The following CAPN9 variants were observed in gnomAD, a reference collection of about 807,000 sequenced individuals.
The protein encoded by CAPN9 is calpain 9, also known as calpain-9.
Under a neutral mutation model 92.8 loss-of-function variants are expected in CAPN9, and 81 were observed. The ratio of observed to expected loss-of-function variants is 0.87; its 90% confidence interval spans 0.73 to 1.05. CAPN9 has a LOEUF of 1.05. Ranked by LOEUF, CAPN9 falls within the 50% of genes least tolerant of loss-of-function variation. The probability of loss-of-function intolerance (pLI) is 0.00; values close to 1 mark genes in which losing one functional copy is unlikely to be tolerated. For synonymous variants in CAPN9, 304 were observed against 328.0 expected (o/e 0.93, Z 0.79); for missense variants, 848 against 866.2 (o/e 0.98, Z 0.26).
chr1:230,765,947 T>C (rs1236796567), intron 4 of CAPN9, among the ~76,000 whole-genome samples: 1 of 152,140 alleles, frequency 6.6e-6, no homozygotes, highest in Non-Finnish European at 1.5e-5. Context: ...GACACCTGAC[T>C]AACACTACCT....
intron 19 of CAPN9, among the ~76,000 whole-genome samples, chr1:230,800,239 A>T (rs1668601443): frequency 1.5e-5 from 1 of 66,138 alleles, no homozygotes; most frequent in African/African-American, 6.3e-5. Context: ...AAGAAGAAAG[A>T]AAGAAAGAAA....
chr1:230,789,558 G>A (rs1667843451), intron 13 of CAPN9, among the ~76,000 whole-genome samples: 1 of 151,334 alleles, frequency 6.6e-6, no homozygotes, highest in Non-Finnish European at 1.5e-5. Flanking sequence ...TCTGGGGTGG[G>A]GGCTGCTGAG....
At chr1:230,747,838 C>A in intron 1 of CAPN9, 129 bp downstream of exon 1, 1 of 801,618 alleles carries the variant, frequency 1.2e-6, no homozygotes, top group Non-Finnish European at 2.1e-6. Context: ...TCATCCCAGT[C>A]TACCGTGGAA....
chr1:230,774,570 T>C lies in CAPN9; in HGVS notation c.892T>C (p.Ser298Pro), dbSNP rs1252226656. The C allele has an allele frequency of 3.1e-6, 5 of 1,613,792 alleles. No homozygotes were observed. The highest frequency in any genetic ancestry group is 4.2e-6 in the Non-Finnish European group (5 of 1,179,758). Reference protein sequence around the residue: ...SWSDSSPEWRSVGPAEQKRLC... With the variant: ...SWSDSSPEWRPVGPAEQKRLC... ...TACTCCTAGTTCTCCGGAGTGGCGT[T>C]CTGTTGGTCCAGCTGAGCAGAAGCG... The change falls in exon 8 of 20, where the codon TCT becomes CCT. Residue 298 changes from serine to proline, a missense_variant. Physicochemically the swap from Ser to Pro is moderately conservative, Grantham distance 74. Coordinates refer to ENST00000271971, the MANE Select transcript of CAPN9 (RefSeq NM_006615.3).
intron 1 of CAPN9, among the ~76,000 whole-genome samples, chr1:230,751,142 C>A (rs1055850014): frequency 6.6e-6 from 1 of 152,216 alleles, no homozygotes; most frequent in African/African-American, 2.4e-5. Context: ...ATGTGAACAA[C>A]CCCTGTGGCA....
chr1:230,777,937 C>T (rs149343634), intron 8 of CAPN9, among the ~76,000 whole-genome samples: 6 of 152,150 alleles, frequency 3.9e-5, no homozygotes, highest in Non-Finnish European at 8.8e-5. Context: ...TTAGGCGTCT[C>T]GTCTGGTCTC....
rs1558125412 is a variant in CAPN9, at chr1:230,801,618, C to T, written c.*22C>T. On this transcript the variant is annotated 3_prime_UTR_variant, in exon 20 of 20. Coordinates refer to ENST00000271971, the MANE Select transcript of CAPN9 (RefSeq NM_006615.3). ...CTGAGGCTGCCTTGTAGAGATGCAG[C>T]CTGCCCAGCTGAATCTTGGCTTCTG... 2 of 1,611,160 alleles carry T rather than the reference C, an allele frequency of 1.2e-6. No individual in the cohort carries two copies. The highest frequency in any genetic ancestry group is 1.7e-6 in the Non-Finnish European group (2 of 1,177,384).
chr1:230,800,076 G>T (rs945615728), intron 19 of CAPN9, among the ~76,000 whole-genome samples: 9 of 151,946 alleles, frequency 5.9e-5, no homozygotes, highest in Admixed American at 5.9e-4. Context: ...TACTCGGGAG[G>T]CTGAGGCAGG....
In CAPN9 at chr1:230,768,450, G is replaced by A. The variant is rs148782782; in HGVS notation, c.706-730G>A. Among the ~76,000 whole-genome samples, 445 of 151,812 alleles carry A rather than the reference G, an allele frequency of 2.9e-3. 4 individuals are homozygous for A. Among genetic ancestry groups the A allele is most frequent in the Non-Finnish European group, 4.1e-3 (280 of 67,984 alleles). ...ATCCTTCCCAGCTCTCTATCTGCTC[G>A]TACAAACAGGCACACACTTCCACAC... On this transcript the variant is annotated intron_variant, in intron 5 of 19. Transcript: ENST00000271971.
chr1:230,761,407 C>G (rs1457994391), intron 3 of CAPN9, among the ~76,000 whole-genome samples: 1 of 152,156 alleles, frequency 6.6e-6, no homozygotes, highest in Non-Finnish European at 1.5e-5. Flanking sequence ...CCACTGCTCC[C>G]CTGCTCAGGA....
At chr1:230,786,790 A>G (rs1667621475) in intron 12 of CAPN9, among the ~76,000 whole-genome samples, 1 of 152,222 alleles carries the variant, frequency 6.6e-6, no homozygotes, top group African/African-American at 2.4e-5. Flanking sequence ...CTAATCAATG[A>G]AAAGAAAACC....
chr1:230,792,723 C>A, intron 16 of CAPN9, 127 bp from the exon 17 acceptor site: 1 of 829,368 alleles, frequency 1.2e-6, no homozygotes, highest in Non-Finnish European at 2.0e-6. Context: ...TTGGAAGGCC[C>A]AGTCCAACTG....
intron 6 of CAPN9, 23 bp downstream of exon 6, chr1:230,769,286 G>A (rs759484899): frequency 4.6e-5 from 70 of 1,526,132 alleles, no homozygotes; most frequent in Non-Finnish European, 5.6e-5. Context: ...AACTCCAACT[G>A]CAGGCTATGG....
At chr1:230,759,448 CAG>C (rs1483799063) in intron 2 of CAPN9, 62 bp from the exon 3 acceptor site, 1 of 1,187,046 alleles carries the variant, frequency 8.4e-7, no homozygotes, top group Non-Finnish European at 1.2e-6. Context: ...CCTTCTGACA[CAG>C]AGTTTTCCTA....
intron 8 of CAPN9, among the ~76,000 whole-genome samples, chr1:230,774,990 C>A (rs1666661387): frequency 6.6e-6 from 1 of 152,164 alleles, no homozygotes; most frequent in Admixed American, 6.5e-5. Context: ...AACCACCCAC[C>A]TTGGCCTCCC....
At chr1:230,755,218 A>G (rs1665146780) in intron 1 of CAPN9, 119 bp from the exon 2 acceptor site, 1 of 770,430 alleles carries the variant, frequency 1.3e-6, no homozygotes, top group Admixed American at 2.7e-5. Flanking sequence ...CCTCAGGGAA[A>G]AGAATCAAGC....
rs28359717 is a variant in CAPN9, at chr1:230,792,794, T to C, written c.1792-56T>C. On this transcript the variant is annotated intron_variant, in intron 16 of 19. Transcript: ENST00000271971. The stretch of plus-strand genomic sequence containing the variant: ...GCTGGCTGTCACCCATTTACTGCCA[T>C]CAGCGATGCCTTTCAGGCACGCTCC... The C allele has an allele frequency of 6.9e-3, 10,024 of 1,456,164 alleles. 347 individuals are homozygous for C. The African/African-American group carries it at 0.09, about 13-fold the overall frequency. 90.2% of individuals were successfully genotyped at this position (1,456,164 alleles called of 1,614,324 possible).
At chr1:230,757,347 T>A (rs1361089632) in intron 2 of CAPN9, among the ~76,000 whole-genome samples, 1 of 152,210 alleles carries the variant, frequency 6.6e-6, no homozygotes, top group Non-Finnish European at 1.5e-5. Context: ...CCCGTAGTCC[T>A]CCATTGCTAT....
chr1:230,768,172 C>T (rs749443624), intron 5 of CAPN9, among the ~76,000 whole-genome samples: 11 of 151,874 alleles, frequency 7.2e-5, no homozygotes, highest in Non-Finnish European at 1.3e-4. Context: ...AGTTTGAGGC[C>T]GCAGTGAACT....
Sources: gnomAD v4.1 joint callset for allele counts (sites outside exome capture counted in the v4.1 genomes callset) on GRCh38, gnomAD v4.1.1 for gene constraint, MANE v1.5 for transcripts, NCBI Gene and HGNC (gene_info 2026-07-23, HGNC 2026-07-21) for gene names.